Variants in LRP2 observed in about 807,000 individuals in gnomAD.
LRP2 encodes low-density lipoprotein receptor-related protein 2.
LRP2 carries 172 observed loss-of-function variants against 531.0 expected under a neutral mutation model. That is an observed-to-expected ratio of 0.32 (90% CI 0.29 to 0.37). The LOEUF is 0.37. Ranked by LOEUF, LRP2 falls within the 10% of genes least tolerant of loss-of-function variation. LRP2 has a pLI of 1.00. For synonymous variants in LRP2, 1,992 were observed against 2,027.6 expected, an observed-to-expected ratio of 0.98 and a Z score of 0.47; for missense variants, 5,167 against 5,868.3, an observed-to-expected ratio of 0.88 and a Z score of 3.90.
chr2:169,338,316 T>A (rs111842165), intron 1 of LRP2, among the ~76,000 whole-genome samples: 961 of 87,694 alleles, frequency 0.011, 12 homozygotes, highest in African/African-American at 0.041. Context: ...GAAAGAAAGA[T>A]AGAATGTAAG....
At chr2:169,191,416 T>C (rs1687825274) in intron 48 of LRP2, among the ~76,000 whole-genome samples, 1 of 152,168 alleles carries the variant, frequency 6.6e-6, no homozygotes, top group African/African-American at 2.4e-5. Flanking sequence ...AATTCTTATC[T>C]CAAGCCCTAT....
At chr2:169,236,369 A>G (rs1172122561) in intron 28 of LRP2, among the ~76,000 whole-genome samples, 1 of 152,164 alleles carries the variant, frequency 6.6e-6, no homozygotes, top group Admixed American at 6.5e-5. Context: ...TTTATAATCC[A>G]CAAATAGTTG....
chr2:169,207,783 A>C (rs191414748), intron 38 of LRP2, among the ~76,000 whole-genome samples: 2 of 152,248 alleles, frequency 1.3e-5, no homozygotes, highest in African/African-American at 4.8e-5. Context: ...TGGACCTTCT[A>C]AAAGTGACCA....
intron 50 of LRP2, among the ~76,000 whole-genome samples, chr2:169,183,834 AT>A (rs1182698709): frequency 6.6e-6 from 1 of 152,206 alleles, no homozygotes; most frequent in Non-Finnish European, 1.5e-5. Context: ...CAGCAGAAAT[AT>A]TTATTAATAT....
chr2:169,336,811 C>T (rs567975562), intron 1 of LRP2, among the ~76,000 whole-genome samples: 1 of 152,174 alleles, frequency 6.6e-6, no homozygotes, highest in Non-Finnish European at 1.5e-5. Context: ...TATCCTCAAG[C>T]AAGCCAATAA....
At chr2:169,187,830 AC>A in intron 49 of LRP2, 139 bp downstream of exon 49, 2 of 931,730 alleles carry the variant, frequency 2.1e-6, no homozygotes, top group South Asian at 2.8e-5. Flanking sequence ...AACTTTGGTA[AC>A]CTTTTGCTAT....
intron 50 of LRP2, chr2:169,182,668 C>G (rs1256949563): frequency 2.0e-6 from 2 of 984,472 alleles, no homozygotes; most frequent in Non-Finnish European, 2.4e-6. Flanking sequence ...AGGTGAGTAT[C>G]ATGAATTACA....
At chr2:169,316,012 C>T (rs940886523) in intron 3 of LRP2, among the ~76,000 whole-genome samples, 13 of 149,300 alleles carry the variant, frequency 8.7e-5, no homozygotes, top group Non-Finnish European at 1.3e-4. Context: ...TGGTGCCATG[C>T]GCCCGTAGTC....
At chr2:169,266,173 G>T (rs2105426856) in intron 16 of LRP2, among the ~76,000 whole-genome samples, 1 of 152,020 alleles carries the variant, frequency 6.6e-6, no homozygotes. Context: ...AGCTTTTTAA[G>T]GAGAATGGGG....
At position 169,307,315 on chromosome 2, in the gene LRP2, T is replaced by G. The variant is rs945121597; in HGVS notation, c.393A>C (p.Arg131Ser). ...IPSEYRCDHV[R>S]DCPDGADEND... ...TCTCATCAGCTCCATCGGGGCAGTC[T>G]CTGACGTGGTCGCACCTGTATTCAC... The change falls in exon 4 of 79, where the codon AGA (arginine) becomes AGC (serine). Residue 131 changes from arginine (R) to serine (S), a missense_variant. Arg to Ser is a moderately radical substitution (Grantham distance 110, BLOSUM62 -1). Around this residue, in one of 6 missense-constraint regions of LRP2, gnomAD observed 2,811 missense variants for 3,058.0 expected, o/e 0.92. Coordinates refer to ENST00000649046, the MANE Select transcript of LRP2 (RefSeq NM_004525.3). 1.9e-6 allele frequency: 3 copies of G among 1,613,956 alleles called. No homozygotes were observed. Among genetic ancestry groups the G allele is most frequent in the Non-Finnish European group, 1.7e-6 (2 of 1,179,810 alleles).
intron 3 of LRP2, 47 bp downstream of exon 3, chr2:169,318,715 T>C (rs1167600498): frequency 1.2e-6 from 2 of 1,613,524 alleles, no homozygotes; most frequent in East Asian, 4.5e-5. Context: ...CAGGTTGGGT[T>C]TTAGGTGTCC....
chr2:169,331,058 T>G (rs1362148035), intron 1 of LRP2, among the ~76,000 whole-genome samples: 4 of 152,132 alleles, frequency 2.6e-5, no homozygotes, highest in Non-Finnish European at 4.4e-5. Flanking sequence ...CACCCTGGAA[T>G]GCTCCATTCC....
At chr2:169,320,952 T>G in intron 1 of LRP2, 68 bp from the exon 2 acceptor site, 1 of 1,148,890 alleles carries the variant, frequency 8.7e-7, no homozygotes, top group Non-Finnish European at 1.3e-6. Flanking sequence ...AATATAAATT[T>G]TTGATAAAAT....
chr2:169,288,614 A>G lies in LRP2; in HGVS notation c.1042+412T>C, dbSNP rs919400998. On this transcript the variant is annotated intron_variant, in intron 9 of 78. Coordinates refer to ENST00000649046, the MANE Select transcript of LRP2 (RefSeq NM_004525.3). Reference sequence around the variant, plus strand: ...CTGGGGATGCTTGTGCATCCTGGAGAAGAGGCCAGGGGAGCAAGGTAGCGG... The same window carrying G: ...CTGGGGATGCTTGTGCATCCTGGAGGAGAGGCCAGGGGAGCAAGGTAGCGG... Among the ~76,000 whole-genome samples the G allele has an allele frequency of 7.9e-5, 12 of 152,278 alleles. 1 individual carries two copies. Among genetic ancestry groups the G allele is most frequent in the Admixed American group, 2.0e-4 (3 of 15,296 alleles).
intron 18 of LRP2, 81 bp downstream of exon 18, chr2:169,257,043 C>G (rs1294997187): frequency 6.5e-7 from 1 of 1,547,410 alleles, no homozygotes; most frequent in Non-Finnish European, 8.9e-7. Context: ...TTTCCTTACA[C>G]CATCATATCA....
At chr2:169,128,923 C>T in intron 78 of LRP2, 90 bp downstream of exon 78, 3 of 1,546,668 alleles carry the variant, frequency 1.9e-6, no homozygotes, top group Non-Finnish European at 2.7e-6. Context: ...GGCCACTCTG[C>T]TCAGAATAAT....
intron 47 of LRP2, 81 bp downstream of exon 47, chr2:169,193,680 T>C: frequency 6.4e-7 from 1 of 1,563,206 alleles, no homozygotes; most frequent in Non-Finnish European, 8.8e-7. Context: ...TCTGCAATCA[T>C]ACTCTCCAAA....
rs763132620 is a variant in LRP2 at position 169,244,869 on chromosome 2, C to T, written c.3254G>A (p.Arg1085His). 31 of 1,614,052 alleles carry T rather than the reference C, an allele frequency of 1.9e-5. No individual in the cohort carries two copies. The highest frequency in any genetic ancestry group is 7.7e-5 in the South Asian group (7 of 91,088). The change falls in exon 22 of 79, where the codon CGC becomes CAC. Residue 1085 changes from arginine to histidine, a missense_variant. Around this residue, in one of 6 missense-constraint regions of LRP2, gnomAD observed 2,811 missense variants for 3,058.0 expected, o/e 0.92. Transcript: ENST00000649046. ...CACACAGTCGTTGCGTTTGTCACAG[C>T]GCCAGTGTGCAGGAATGCACTCCCC... ...GHGECIPAHW[R>H]CDKRNDCVDG...
chr2:169,356,349 C>T (rs937507179), intron 1 of LRP2, among the ~76,000 whole-genome samples: 2 of 152,200 alleles, frequency 1.3e-5, no homozygotes, highest in African/African-American at 2.4e-5. Flanking sequence ...CTCAGACCCA[C>T]GGTAAAGAAG....
Sources: allele counts gnomAD v4.1 joint callset (sites outside exome capture counted in the v4.1 genomes callset), GRCh38; gene constraint gnomAD v4.1.1; regional missense constraint gnomAD v4.1.1; transcripts MANE v1.5; gene names NCBI Gene and HGNC (gene_info 2026-07-23, HGNC 2026-07-21).